PCDHGB3: variants seen among roughly 807,000 people sequenced by gnomAD.
PCDHGB3 encodes the protein protocadherin gamma subfamily B, 3, also known as protocadherin gamma-B3.
A neutral mutation model predicts 59.2 loss-of-function variants in PCDHGB3; 40 were observed. The ratio of observed to expected loss-of-function variants is 0.68; its 90% CI spans 0.52 to 0.88. The LOEUF (loss-of-function observed/expected upper bound fraction) is 0.88. Among genes scored for constraint, PCDHGB3 ranks in the 40% least tolerant of loss-of-function variants. The probability of loss-of-function intolerance (pLI) is 0.00; values close to 1 mark genes in which losing one functional copy is unlikely to be tolerated. For missense variants in PCDHGB3, 1,309 were observed against 1,187.9 expected (o/e 1.10, Z -1.50); for synonymous variants, 581 against 503.6 (o/e 1.15, Z -2.06).
intron 1 of PCDHGB3, chr5:141,410,823 C>CCAGACTGA (rs2095425464): frequency 2.1e-6 from 1 of 479,988 alleles, no homozygotes; most frequent in African/African-American, 2.5e-5. Flanking sequence ...AATAATGTCA[C>CCAGACTGA]CAGACTGAAG....
rs1296142784 is a variant in PCDHGB3 at position 141,431,302 on chromosome 5, C to T, written c.2415+58493C>T. ...GCCCGAACACTCACTTCTCCCTCAT[C>T]GTGCAAAATGGAGCCGACGGTAGTA... is the stretch of plus-strand genomic sequence containing the variant. On this transcript the variant is annotated intron_variant, in intron 1 of 3. Coordinates refer to ENST00000576222, the MANE Select transcript of PCDHGB3 (RefSeq NM_018924.5). This position sits in a 1 kb window ranked among gnomAD's most constrained non-coding sequence, Gnocchi z 4.8. 2 of 1,614,028 alleles carry T rather than the reference C, an allele frequency of 1.2e-6. No individual in the cohort carries two copies. Among genetic ancestry groups the T allele is most frequent in the African/African-American group, 1.3e-5 (1 of 74,946 alleles).
Position 141,476,374 on chromosome 5 carries a change from G to A in PCDHGB3, c.2416-18433G>A. 1.2e-6 allele frequency: 2 copies of A among 1,614,178 alleles called. No individual in the cohort carries two copies. Among genetic ancestry groups the A allele is most frequent in the Non-Finnish European group, 1.7e-6 (2 of 1,180,044 alleles). On this transcript the variant is annotated intron_variant, in intron 1 of 3. Transcript: ENST00000576222. This position sits in a 1 kb window ranked among gnomAD's most constrained non-coding sequence, Gnocchi z 7.6. ...AGGTGAACCGGGAGACCGGAGAGATGTTTGTGAACGACCGTCTGGATCGAG... is the reference window on the plus strand; with the variant it reads ...AGGTGAACCGGGAGACCGGAGAGATATTTGTGAACGACCGTCTGGATCGAG...
chr5:141,414,253 G>A (rs768166537), intron 1 of PCDHGB3: 1 of 1,613,492 alleles, frequency 6.2e-7, no homozygotes, highest in Non-Finnish European at 8.5e-7. Flanking sequence ...ATTTAGTCCA[G>A]TGACTGAAGA....
chr5:141,423,983 C>T, intron 1 of PCDHGB3: 5 of 1,107,052 alleles, frequency 4.5e-6, no homozygotes, highest in Non-Finnish European at 5.6e-6. Context: ...GTATGAGGCT[C>T]TCAATTTATT....
In PCDHGB3 at chr5:141,487,906, AGCACAGGAGGCTACAGT is replaced by A. The variant is rs2099668744; in HGVS notation, c.2416-6893_2416-6877del. ...TGGAAGCATGATGATGGAATGTGGG[AGCACAGGAGGCTACAGT>A]GCACAGGGTACAGTGCACCAGGCAG... On this transcript the variant is annotated intron_variant, in intron 1 of 3. Coordinates refer to ENST00000576222, the MANE Select transcript of PCDHGB3 (RefSeq NM_018924.5). The surrounding 1 kb of genome is among the most constrained non-coding windows in gnomAD (Gnocchi z 5.0). The A allele has an allele frequency of 8.7e-6, 6 of 686,524 alleles. No homozygotes were observed. The East Asian group carries it at 1.6e-4, about 19-fold the overall frequency. The allele number at this position is 686,524 out of a possible 1,614,324, so 42.5% of individuals were successfully genotyped here.
chr5:141,394,428 G>A lies in PCDHGB3; in HGVS notation c.2415+21619G>A, dbSNP rs199658498. On this transcript the variant is annotated intron_variant, in intron 1 of 3. Coordinates refer to ENST00000576222, the MANE Select transcript of PCDHGB3 (RefSeq NM_018924.5). ...ACTGGTAACAGCCAGCGACAGCGGG[G>A]ACCCGCCCCTCAGCAGCAACATGTC... 332 of 1,614,232 alleles carry A rather than the reference G, an allele frequency of 2.1e-4. 3 individuals are homozygous for A. In the African/African-American group the frequency reaches 4.0e-3, roughly 19 times the overall value.
At chr5:141,404,472 T>C in intron 1 of PCDHGB3, 1 of 1,613,692 alleles carries the variant, frequency 6.2e-7, no homozygotes, top group Non-Finnish European at 8.5e-7. Context: ...TATGTCTCTA[T>C]TAACTCAGAC....
intron 1 of PCDHGB3, among the ~76,000 whole-genome samples, chr5:141,451,284 G>C (rs950768919): frequency 2.6e-5 from 4 of 152,186 alleles, no homozygotes; most frequent in African/African-American, 9.7e-5. Flanking sequence ...GAGTGCCTCT[G>C]CCTCAAAGTC....
At chr5:141,423,094 C>CGCGTGCGT (rs2096708722) in intron 1 of PCDHGB3, 4 of 1,613,860 alleles carry the variant, frequency 2.5e-6, no homozygotes, top group African/African-American at 2.7e-5. Flanking sequence ...GGTGGGGGAG[C>CGCGTGCGT]ACACGGGCGA....
chr5:141,492,894 G>A (rs2099744893), intron 1 of PCDHGB3, among the ~76,000 whole-genome samples: 1 of 152,202 alleles, frequency 6.6e-6, no homozygotes, highest in Admixed American at 6.5e-5. Flanking sequence ...GGCTTTTGGC[G>A]CCGTCGTGAT....
At chr5:141,419,152 G>A (rs2096335735) in intron 1 of PCDHGB3, 25 of 1,613,916 alleles carry the variant, frequency 1.5e-5, no homozygotes, top group East Asian at 4.5e-5. Context: ...GCAAGCCTCC[G>A]TTATCCTCCA....
At chr5:141,460,741 A>G (rs1378900827) in intron 1 of PCDHGB3, among the ~76,000 whole-genome samples, 1 of 152,128 alleles carries the variant, frequency 6.6e-6, no homozygotes, top group Non-Finnish European at 1.5e-5. Flanking sequence ...CACATTGTAT[A>G]TATATGTGTA....
In PCDHGB3 at chr5:141,372,219, G is replaced by C; in HGVS notation, c.1825G>C (p.Val609Leu). 3.1e-6 allele frequency: 5 copies of C among 1,613,542 alleles called. No individual in the cohort carries two copies. The highest frequency in any genetic ancestry group is 4.2e-6 in the Non-Finnish European group (5 of 1,179,894). The change falls in exon 1 of 4, where the codon GTG becomes CTG. Residue 609 changes from valine (V) to leucine (L), a missense_variant. Coordinates refer to ENST00000576222, the MANE Select transcript of PCDHGB3 (RefSeq NM_018924.5). ...CAACGCCTGGCTGTCCTACCACATTGTGCAGGCCAGCGAGCCCGGGCTGTT... is the reference window on the plus strand; with the variant it reads ...CAACGCCTGGCTGTCCTACCACATTCTGCAGGCCAGCGAGCCCGGGCTGTT... ...GYNAWLSYHI[V>L]QASEPGLFSL...
rs1210691847 is a variant in PCDHGB3, at chr5:141,432,985, C to T, written c.2415+60176C>T. The stretch of plus-strand genomic sequence containing the variant: ...GAGCGCCGGCGTCGCACTTTGTGGG[C>T]GTGGACGGGGTGCAGGCTTTCCTGC... On this transcript the variant is annotated intron_variant, in intron 1 of 3. Transcript: ENST00000576222. The surrounding 1 kb of genome is among the most constrained non-coding windows in gnomAD (Gnocchi z 6.0). The T allele has an allele frequency of 3.1e-6, 5 of 1,614,176 alleles. No individual in the cohort carries two copies. The highest frequency in any genetic ancestry group is 4.2e-6 in the Non-Finnish European group (5 of 1,180,034).
chr5:141,431,450 A>T lies in PCDHGB3; in HGVS notation c.2415+58641A>T, dbSNP rs1468567743. 1 of 1,613,740 alleles carries T rather than the reference A, an allele frequency of 6.2e-7. No homozygotes were observed. Among genetic ancestry groups the T allele is most frequent in the Admixed American group, 1.7e-5 (1 of 60,032 alleles). ...CACAGGCACCGCGCGCATCCGCGTG[A>T]TGGTTCTGGATGCGAACGACAACGC... On this transcript the variant is annotated intron_variant, in intron 1 of 3. Transcript: ENST00000576222. This position sits in a 1 kb window ranked among gnomAD's most constrained non-coding sequence, Gnocchi z 4.8.
intron 1 of PCDHGB3, chr5:141,388,503 TC>T (rs1405490200): frequency 6.2e-7 from 1 of 1,613,782 alleles, no homozygotes; most frequent in Admixed American, 1.7e-5. Context: ...AAAGCAGAAA[TC>T]CTACCACTTG....
At position 141,489,985 on chromosome 5, in the gene PCDHGB3, G is replaced by A. The variant is rs761481986; in HGVS notation, c.2416-4822G>A. ...AACCTTCCAATCCTCAGTTCTACGT[G>A]TGGGAATCCCAGAGAATGCACCCAT... On this transcript the variant is annotated intron_variant, in intron 1 of 3. Transcript: ENST00000576222. The surrounding 1 kb of genome is among the most constrained non-coding windows in gnomAD (Gnocchi z 4.5). The A allele has an allele frequency of 1.2e-6, 2 of 1,614,094 alleles. No homozygotes were observed. Among genetic ancestry groups the A allele is most frequent in the African/African-American group, 2.7e-5 (2 of 74,946 alleles).
At chr5:141,394,950 G>C in intron 1 of PCDHGB3, 1 of 1,613,848 alleles carries the variant, frequency 6.2e-7, no homozygotes, top group Non-Finnish European at 8.5e-7. Context: ...TGTGCTTCTG[G>C]GGCTCAGGCT....
intron 1 of PCDHGB3, chr5:141,398,655 A>G (rs760602313): frequency 3.1e-6 from 5 of 1,614,034 alleles, no homozygotes; most frequent in Non-Finnish European, 4.2e-6. Context: ...CTCTTAACCC[A>G]AGTTTCTCAT....
Sources: allele counts gnomAD v4.1 joint callset (sites outside exome capture counted in the v4.1 genomes callset), GRCh38; gene constraint gnomAD v4.1.1; non-coding constraint Gnocchi (gnomAD v3.1); transcripts MANE v1.5; gene names NCBI Gene and HGNC (gene_info 2026-07-23, HGNC 2026-07-21).